Variants in SETX observed in about 807,000 individuals in gnomAD.
SETX encodes helicase senataxin.
Under a neutral mutation model 227.2 loss-of-function variants are expected in SETX, and 90 were observed. The observed-to-expected ratio is 0.40, with a 90% confidence interval of 0.33 to 0.47. The LOEUF (loss-of-function observed/expected upper bound fraction) is 0.47. Ranked by LOEUF, SETX falls within the 20% of genes least tolerant of loss-of-function variation. The probability of loss-of-function intolerance (pLI) is 0.91; values close to 1 mark genes in which losing one functional copy is unlikely to be tolerated. For synonymous variants in SETX, 1,210 were observed against 1,113.2 expected, an observed-to-expected ratio of 1.09 and a Z score of -1.73; for missense variants, 3,052 against 3,181.5, an observed-to-expected ratio of 0.96 and a Z score of 0.98.
intron 10 of SETX, among the ~76,000 whole-genome samples, chr9:132,320,614 A>C (rs918426523): frequency 3.3e-5 from 5 of 151,528 alleles, no homozygotes; most frequent in Non-Finnish European, 7.4e-5. Context: ...AAAAAAAAAA[A>C]AAAACTAAAC....
In SETX at chr9:132,331,589, G is replaced by A. The variant is rs574820821; in HGVS notation, c.839-141C>T. The A allele has an allele frequency of 9.8e-5, 87 of 891,830 alleles. 1 individual carries two copies. In the South Asian group the frequency reaches 1.1e-3, roughly 11 times the overall value. 55.2% of individuals were successfully genotyped at this position (891,830 alleles called of 1,614,324 possible). A position where few individuals can be genotyped will look rare whatever the true frequency, so the allele number is the denominator to read the frequency against. On this transcript the variant is annotated intron_variant, in intron 7 of 25. Coordinates refer to ENST00000224140, the MANE Select transcript of SETX (RefSeq NM_015046.7). ...GGAGCAAATAATTTAAAGCAGTGCCGCCACCAGTCCTCAGACACACAGAGG... is the reference window on the plus strand; with the variant it reads ...GGAGCAAATAATTTAAAGCAGTGCCACCACCAGTCCTCAGACACACAGAGG...
chr9:132,292,211 G>A (rs1844362783), intron 15 of SETX, among the ~76,000 whole-genome samples: 1 of 151,938 alleles, frequency 6.6e-6, no homozygotes, highest in Non-Finnish European at 1.5e-5. Flanking sequence ...GGGAGGCTGA[G>A]GCAAGAGCAT....
At chr9:132,336,721 CACTG>C (rs544396170) in intron 5 of SETX, among the ~76,000 whole-genome samples, 1 of 152,326 alleles carries the variant, frequency 6.6e-6, no homozygotes, top group South Asian at 2.1e-4. Context: ...TTCATTCAAA[CACTG>C]ACTGGCAAGA....
intron 7 of SETX, 140 bp downstream of exon 7, chr9:132,334,468 A>C (rs1469819455): frequency 2.1e-6 from 2 of 969,954 alleles, no homozygotes; most frequent in African/African-American, 3.2e-5. Context: ...AACAAAACAA[A>C]ATAAAAAGTC....
chr9:132,284,116 G>A (rs1198195288), intron 18 of SETX, among the ~76,000 whole-genome samples: 1 of 152,216 alleles, frequency 6.6e-6, no homozygotes, highest in African/African-American at 2.4e-5. Flanking sequence ...AGGCATTCGT[G>A]TGAGCTTTAG....
At chr9:132,324,185 G>C (rs143714222) in intron 10 of SETX, among the ~76,000 whole-genome samples, 2 of 152,146 alleles carry the variant, frequency 1.3e-5, no homozygotes, top group African/African-American at 4.8e-5. Context: ...ATAGGGTTAT[G>C]AATGGCTTCT....
chr9:132,307,161 A>C (rs1845380967), intron 11 of SETX, among the ~76,000 whole-genome samples: 1 of 152,178 alleles, frequency 6.6e-6, no homozygotes, highest in Non-Finnish European at 1.5e-5. Context: ...AGGCTGAGGC[A>C]GGAGAATTGC....
At position 132,326,674 on chromosome 9, in the gene SETX, G is replaced by T. The variant is rs375942182; in HGVS notation, c.4924C>A (p.Pro1642Thr). The change falls in exon 10 of 26, where the codon CCC becomes ACC. Residue 1642 changes from proline (P) to threonine (T), a missense_variant. Transcript: ENST00000224140. Reference sequence around the variant, plus strand: ...CCAACTGGCTTCTGAGCTATGAGGGGAACTGGCTGTGGTACTTTCAAAATC... The same window carrying T: ...CCAACTGGCTTCTGAGCTATGAGGGTAACTGGCTGTGGTACTTTCAAAATC... ...QSILKVPQPV[P>T]LIAQKPVGEM... is the part of the protein sequence containing the mutation. The T allele has an allele frequency of 3.0e-5, 48 of 1,612,804 alleles. No homozygotes were observed. Among genetic ancestry groups the T allele is most frequent in the Non-Finnish European group, 3.8e-5 (45 of 1,179,120 alleles).
chr9:132,321,351 C>G (rs1389936714), intron 10 of SETX, among the ~76,000 whole-genome samples: 5 of 151,850 alleles, frequency 3.3e-5, no homozygotes, highest in Non-Finnish European at 7.4e-5. Flanking sequence ...AAAACCCCAC[C>G]TCTACTAAAA....
chr9:132,275,228 A>C (rs1589618107), intron 23 of SETX, 28 bp downstream of exon 23: 1 of 1,608,694 alleles, frequency 6.2e-7, no homozygotes, highest in East Asian at 2.2e-5. Flanking sequence ...CAACAAGAAA[A>C]TTGGAAATAT....
At chr9:132,314,225 T>TG (rs1845837111) in intron 10 of SETX, among the ~76,000 whole-genome samples, 1 of 152,212 alleles carries the variant, frequency 6.6e-6, no homozygotes, top group South Asian at 2.1e-4. Context: ...CCCAAGTAGC[T>TG]GGGATTACAG....
chr9:132,304,735 C>T (rs1335303762), intron 11 of SETX, among the ~76,000 whole-genome samples: 7 of 152,064 alleles, frequency 4.6e-5, no homozygotes, highest in Admixed American at 3.9e-4. Context: ...CAGTGGCTCG[C>T]GCCTGTAATT....
In SETX at chr9:132,349,291, C is replaced by G. The variant is rs1564165848; in HGVS notation, c.138G>C (p.Glu46Asp). The G allele has an allele frequency of 6.2e-7, 1 of 1,614,038 alleles. No homozygotes were observed. The highest frequency in any genetic ancestry group is 8.5e-7 in the Non-Finnish European group (1 of 1,180,028). ...DLCYCLECVAEYHKARDELPF... is the reference protein window; with the variant it reads ...DLCYCLECVADYHKARDELPF... ...GCAATTCATCTCTTGCTTTGTGGTACTCAGCCACACACTCCAAGCAGTAGC... is the reference window on the plus strand; with the variant it reads ...GCAATTCATCTCTTGCTTTGTGGTAGTCAGCCACACACTCCAAGCAGTAGC... The change falls in exon 3 of 26, where the codon GAG becomes GAC. Residue 46 changes from glutamate to aspartate, a missense_variant. By Grantham distance (45) the Glu-to-Asp change is conservative (BLOSUM62 2). Coordinates refer to ENST00000224140, the MANE Select transcript of SETX (RefSeq NM_015046.7).
rs757682691 is a variant in SETX at position 132,288,198 on chromosome 9, C to T, written c.6324+38G>A. The T allele has an allele frequency of 3.9e-6, 6 of 1,537,802 alleles. No individual in the cohort carries two copies. In the Admixed American group the frequency reaches 5.1e-5, roughly 13 times the overall value. On this transcript the variant is annotated intron_variant, in intron 17 of 25. Coordinates refer to ENST00000224140, the MANE Select transcript of SETX (RefSeq NM_015046.7). Reference sequence around the variant, plus strand: ...CTCAAAAAAAACTTGTTAACTAGTTCGTATACCTGAGTTATTATTCAAGAA... The same window carrying T: ...CTCAAAAAAAACTTGTTAACTAGTTTGTATACCTGAGTTATTATTCAAGAA...
At chr9:132,346,197 C>G (rs1300228455) in intron 4 of SETX, 64 bp downstream of exon 4, 1 of 1,361,408 alleles carries the variant, frequency 7.3e-7, no homozygotes, top group South Asian at 1.2e-5. Flanking sequence ...ATAGATAAGC[C>G]TAAATTCTTA....
In SETX at chr9:132,327,666, C is replaced by A; in HGVS notation, c.3932G>T (p.Arg1311Leu). The change falls in exon 10 of 26, where the codon CGT becomes CTT. Residue 1311 changes from arginine (R) to leucine (L), a missense_variant. Around this residue, in one of 10 missense-constraint regions of SETX, gnomAD observed 1,483 missense variants for 1,312.0 expected, o/e 1.13. Coordinates refer to ENST00000224140, the MANE Select transcript of SETX (RefSeq NM_015046.7). ...QRSLDYVAQL[R>L]DHGKTVGVVD... Reference sequence around the variant, plus strand: ...TACTCCAACAGTTTTGCCATGATCACGTAATTGAGCTACATAATCCAAAGA... The same window carrying A: ...TACTCCAACAGTTTTGCCATGATCAAGTAATTGAGCTACATAATCCAAAGA... The A allele has an allele frequency of 6.2e-7, 1 of 1,613,802 alleles. No individual in the cohort carries two copies. Among genetic ancestry groups the A allele is most frequent in the Non-Finnish European group, 8.5e-7 (1 of 1,179,932 alleles).
chr9:132,346,199 A>T, intron 4 of SETX, 62 bp downstream of exon 4: 2 of 1,377,740 alleles, frequency 1.5e-6, no homozygotes, highest in Non-Finnish European at 2.1e-6. Context: ...AGATAAGCCT[A>T]AATTCTTATG....
intron 5 of SETX, among the ~76,000 whole-genome samples, chr9:132,340,524 A>ATT (rs1491251417): frequency 1.4e-5 from 2 of 145,118 alleles, no homozygotes; most frequent in African/African-American, 5.1e-5. Flanking sequence ...TGAGTGATGG[A>ATT]TAAAATCCAA....
rs1564512976 is a variant in SETX, at chr9:132,305,074, G to GTA, written c.5375-4272_5375-4271insTA. On this transcript the variant is annotated intron_variant, in intron 11 of 25. Transcript: ENST00000224140. ...GATATAAAAAACTATTTTGGGCCAG[G>GTA]CGCAGTGGCTCACGCCTCACCTGTA... 5.9e-5 allele frequency among the ~76,000 whole-genome samples: 9 copies of GTA among 152,072 alleles called. No individual in the cohort carries two copies. In the East Asian group the frequency reaches 1.7e-3, roughly 29 times the overall value.
Sources: gnomAD v4.1 joint callset for allele counts (sites outside exome capture counted in the v4.1 genomes callset) on GRCh38, gnomAD v4.1.1 for gene constraint, gnomAD v4.1.1 regional missense constraint, MANE v1.5 for transcripts, NCBI Gene and HGNC (gene_info 2026-07-23, HGNC 2026-07-21) for gene names.